The following TMEM163 variants were observed in gnomAD, a reference collection of about 807,000 sequenced individuals.
TMEM163 encodes the protein transmembrane protein 163.
A neutral mutation model predicts 29.3 loss-of-function variants in TMEM163; 17 were observed. The observed-to-expected ratio is 0.58, with a 90% CI of 0.40 to 0.87. The LOEUF (loss-of-function observed/expected upper bound fraction) is 0.87. Among genes scored for constraint, TMEM163 ranks in the 40% least tolerant of loss-of-function variants. The pLI, the probability that TMEM163 is intolerant of heterozygous loss-of-function variation, is 0.00. For missense variants in TMEM163, 303 were observed against 381.5 expected (o/e 0.79, Z 1.71); for synonymous variants, 157 against 160.6 (o/e 0.98, Z 0.17).
At chr2:134,503,472 C>T (rs1274911809) in intron 4 of TMEM163, among the ~76,000 whole-genome samples, 1 of 152,140 alleles carries the variant, frequency 6.6e-6, no homozygotes, top group African/African-American at 2.4e-5. Context: ...GAATATATTC[C>T]CTACCTAAAA....
chr2:134,525,924 G>A (rs996907963), intron 4 of TMEM163, among the ~76,000 whole-genome samples: 1 of 152,234 alleles, frequency 6.6e-6, no homozygotes, highest in South Asian at 2.1e-4. Context: ...AAGGAGAACG[G>A]TTTGCAAATA....
chr2:134,465,196 A>AAAAAAAAAAAC lies in TMEM163; in HGVS notation c.667+917_667+918insGTTTTTTTTTT, dbSNP rs1171953438. ...ATGGTGAGTCCGCATCTTTAAAAAA[A>AAAAAAAAAAAC]AAAAAAACAAAAACAAAACAAAAAT... On this transcript the variant is annotated intron_variant, in intron 6 of 7. Coordinates refer to ENST00000281924, the MANE Select transcript of TMEM163 (RefSeq NM_030923.5). Among the ~76,000 whole-genome samples the AAAAAAAAAAAC allele has an allele frequency of 0.014, 2,017 of 139,642 alleles. 203 individuals carry two copies. In the East Asian group the frequency reaches 0.28, roughly 20 times the overall value. The allele number at this position is 139,642 out of a possible 152,430, so 91.6% of individuals were successfully genotyped here.
chr2:134,694,582 C>T (rs1163804307), intron 2 of TMEM163, among the ~76,000 whole-genome samples: 1 of 152,162 alleles, frequency 6.6e-6, no homozygotes, highest in Non-Finnish European at 1.5e-5. Context: ...CCTAAGAATG[C>T]TCTCTTTATG....
At chr2:134,577,810 T>TGG (rs1553482560) in intron 2 of TMEM163, among the ~76,000 whole-genome samples, 8 of 148,106 alleles carry the variant, frequency 5.4e-5, no homozygotes, top group African/African-American at 2.0e-4. Flanking sequence ...CGAAAACATG[T>TGG]GGGGGGGAAA....
intron 2 of TMEM163, among the ~76,000 whole-genome samples, chr2:134,673,399 GA>G (rs933580737): frequency 6.6e-6 from 1 of 152,070 alleles, no homozygotes; most frequent in Non-Finnish European, 1.5e-5. Context: ...ACAACCCCTT[GA>G]AATGCAGAAA....
intron 2 of TMEM163, among the ~76,000 whole-genome samples, chr2:134,626,157 T>G (rs1465886293): frequency 1.5e-5 from 2 of 132,394 alleles, no homozygotes; most frequent in Non-Finnish European, 3.1e-5. Context: ...CAGGCTGGAG[T>G]GCAGTGGCAT....
intron 4 of TMEM163, among the ~76,000 whole-genome samples, chr2:134,514,633 G>C (rs1368337793): frequency 6.6e-6 from 1 of 152,104 alleles, no homozygotes; most frequent in Non-Finnish European, 1.5e-5. Flanking sequence ...AGAAAACAAG[G>C]AGGCCAATTC....
intron 2 of TMEM163, among the ~76,000 whole-genome samples, chr2:134,701,443 T>TA (rs1558997166): frequency 6.6e-6 from 1 of 152,160 alleles, no homozygotes; most frequent in African/African-American, 2.4e-5. Flanking sequence ...AAAGCCTGTG[T>TA]AAAAAAGAGT....
intron 2 of TMEM163, among the ~76,000 whole-genome samples, chr2:134,657,883 GA>G (rs1683656210): frequency 6.6e-6 from 1 of 152,134 alleles, no homozygotes; most frequent in Non-Finnish European, 1.5e-5. Flanking sequence ...GGTGAGGGCT[GA>G]AAAACTACCT....
intron 5 of TMEM163, among the ~76,000 whole-genome samples, chr2:134,498,937 A>G (rs1679641413): frequency 6.6e-6 from 1 of 152,220 alleles, no homozygotes; most frequent in Non-Finnish European, 1.5e-5. Flanking sequence ...GTTCAAATCC[A>G]GGCTCTGCCG....
chr2:134,457,962 C>G, intron 7 of TMEM163, 70 bp downstream of exon 7: 1 of 1,602,756 alleles, frequency 6.2e-7, no homozygotes, highest in South Asian at 1.1e-5. Context: ...CATTTCCTGA[C>G]TGGGGAAGGC....
chr2:134,616,284 C>G (rs1295506728), intron 2 of TMEM163, among the ~76,000 whole-genome samples: 2 of 152,192 alleles, frequency 1.3e-5, no homozygotes. Flanking sequence ...GGGGAAGCTT[C>G]ACCAGAGAGC....
intron 2 of TMEM163, among the ~76,000 whole-genome samples, chr2:134,641,611 C>T (rs1321484323): frequency 6.6e-6 from 1 of 151,856 alleles, no homozygotes. Context: ...AAGACATAGT[C>T]AAAAGCACAA....
At chr2:134,689,040 A>G (rs1684404449) in intron 2 of TMEM163, among the ~76,000 whole-genome samples, 1 of 152,120 alleles carries the variant, frequency 6.6e-6, no homozygotes, top group South Asian at 2.1e-4. Flanking sequence ...ATAAATAAAA[A>G]TATCAGCAAA....
intron 5 of TMEM163, among the ~76,000 whole-genome samples, chr2:134,472,844 T>G (rs1350610616): frequency 2.0e-5 from 3 of 152,216 alleles, no homozygotes; most frequent in African/African-American, 7.2e-5. Flanking sequence ...ATTAAAAAGA[T>G]GTCAACCAAT....
intron 6 of TMEM163, among the ~76,000 whole-genome samples, chr2:134,464,265 G>C (rs1241540611): frequency 6.6e-6 from 1 of 152,094 alleles, no homozygotes; most frequent in Non-Finnish European, 1.5e-5. Context: ...GGGAGATGCT[G>C]TACTTGGCCC....
intron 2 of TMEM163, among the ~76,000 whole-genome samples, chr2:134,697,671 G>A (rs1684612257): frequency 6.6e-6 from 1 of 151,944 alleles, no homozygotes; most frequent in African/African-American, 2.4e-5. Flanking sequence ...CGCCATGTTG[G>A]CCAGGCTGGT....
At chr2:134,595,117 TA>T (rs1682041562) in intron 2 of TMEM163, among the ~76,000 whole-genome samples, 1 of 151,756 alleles carries the variant, frequency 6.6e-6, no homozygotes, top group Non-Finnish European at 1.5e-5. Context: ...TATTTATATA[TA>T]TATTTTTTAT....
chr2:134,640,497 A>C (rs1335074339), intron 2 of TMEM163, among the ~76,000 whole-genome samples: 1 of 152,074 alleles, frequency 6.6e-6, no homozygotes, highest in Non-Finnish European at 1.5e-5. Flanking sequence ...ACTCAAGCAA[A>C]ATGGCATTGG....
Sources: allele counts gnomAD v4.1 joint callset (sites outside exome capture counted in the v4.1 genomes callset), GRCh38; gene constraint gnomAD v4.1.1; transcripts MANE v1.5; gene names NCBI Gene and HGNC (gene_info 2026-07-23, HGNC 2026-07-21).